The following DDX10 variants were observed in gnomAD, a reference collection of about 807,000 sequenced individuals.
DDX10 encodes the protein DEAD-box helicase 10, also known as probable ATP-dependent RNA helicase DDX10.
In DDX10, 74 loss-of-function variants were observed where a neutral mutation model predicts 104.3. That is an observed-to-expected ratio of 0.71 (90% CI 0.59 to 0.86). The LOEUF (loss-of-function observed/expected upper bound fraction) is 0.86. DDX10 is among the 40% of genes least tolerant of loss of function. The pLI, the probability that DDX10 is intolerant of heterozygous loss-of-function variation, is 0.00. For missense variants in DDX10, 952 were observed against 1,040.0 expected (o/e 0.92, Z 1.16); for synonymous variants, 351 against 353.4 (o/e 0.99, Z 0.08).
At chr11:108,807,268 T>G (rs1862114502) in intron 13 of DDX10, among the ~76,000 whole-genome samples, 1 of 152,100 alleles carries the variant, frequency 6.6e-6, no homozygotes. Context: ...AAAGGTTGGC[T>G]GGGGGCAAAC....
Position 108,689,058 on chromosome 11 carries a change from A to C in DDX10, c.971A>C (p.Lys324Thr). 1 of 1,614,038 alleles carries C rather than the reference A, an allele frequency of 6.2e-7. No homozygotes were observed. The highest frequency in any genetic ancestry group is 8.5e-7 in the Non-Finnish European group (1 of 1,179,944). The stretch of plus-strand genomic sequence containing the variant: ...AGCATTGTATTTTTTTCCAGTTGCA[A>C]AGAGGTATTGGCTGTTTATTTTGCT... ...KKSIVFFSSC[K>T]EVQYLYRVFC... The change falls in exon 7 of 18, where the codon AAA becomes ACA. Residue 324 changes from lysine (K) to threonine (T), a missense_variant. Transcript: ENST00000322536.
chr11:108,882,065 G>A (rs1004127623), intron 16 of DDX10, among the ~76,000 whole-genome samples: 2 of 152,016 alleles, frequency 1.3e-5, no homozygotes, highest in African/African-American at 4.8e-5. Context: ...ACTTCCTATT[G>A]GAGAAGTGAA....
At chr11:108,871,528 C>A (rs1863081972) in intron 16 of DDX10, among the ~76,000 whole-genome samples, 1 of 152,174 alleles carries the variant, frequency 6.6e-6, no homozygotes, top group African/African-American at 2.4e-5. Flanking sequence ...CTTTTCCTTC[C>A]ACTGCTCTAG....
chr11:108,854,105 T>A (rs1184291147), intron 16 of DDX10, among the ~76,000 whole-genome samples: 1 of 152,208 alleles, frequency 6.6e-6, no homozygotes, highest in Admixed American at 6.5e-5. Context: ...GAGGACTGCC[T>A]GCAGTGACAG....
chr11:108,844,277 A>C (rs181330919), intron 15 of DDX10, among the ~76,000 whole-genome samples: 10 of 152,354 alleles, frequency 6.6e-5, no homozygotes, highest in Non-Finnish European at 1.0e-4. Context: ...ACAAAGAAAC[A>C]AAGAAATAAT....
At chr11:108,719,395 C>G (rs2094295546) in intron 11 of DDX10, among the ~76,000 whole-genome samples, 1 of 151,964 alleles carries the variant, frequency 6.6e-6, no homozygotes, top group South Asian at 2.1e-4. Flanking sequence ...GTAATGTATC[C>G]CTTTTTTGAT....
chr11:108,820,938 A>C (rs1294489977), intron 13 of DDX10, among the ~76,000 whole-genome samples: 1 of 152,242 alleles, frequency 6.6e-6, no homozygotes, highest in East Asian at 1.9e-4. Context: ...AGTAGAATGC[A>C]TGTCAGAGTC....
At chr11:108,747,790 A>G (rs927084666) in intron 13 of DDX10, among the ~76,000 whole-genome samples, 1 of 152,172 alleles carries the variant, frequency 6.6e-6, no homozygotes, top group South Asian at 2.1e-4. Flanking sequence ...AACCACTACT[A>G]TTAATGACCT....
At chr11:108,895,511 A>G (rs1300991875) in intron 16 of DDX10, among the ~76,000 whole-genome samples, 4 of 152,042 alleles carry the variant, frequency 2.6e-5, no homozygotes, top group African/African-American at 7.2e-5. Flanking sequence ...AAGGACTTAT[A>G]TTTCTATATT....
chr11:108,736,724 A>G (rs975989926), intron 13 of DDX10, among the ~76,000 whole-genome samples: 3 of 152,104 alleles, frequency 2.0e-5, no homozygotes, highest in African/African-American at 7.2e-5. Flanking sequence ...CTGCCATGTG[A>G]GGATGCAGCA....
At chr11:108,807,225 T>G (rs550652922) in intron 13 of DDX10, among the ~76,000 whole-genome samples, 1 of 152,018 alleles carries the variant, frequency 6.6e-6, no homozygotes, top group African/African-American at 2.4e-5. Context: ...GAATTAAAGA[T>G]TTGTAGAGTT....
At chr11:108,787,945 T>C (rs907251312) in intron 13 of DDX10, among the ~76,000 whole-genome samples, 6 of 152,088 alleles carry the variant, frequency 3.9e-5, no homozygotes, top group South Asian at 2.1e-4. Flanking sequence ...AAAAATACTT[T>C]TGATTGTATT....
chr11:108,781,476 A>G (rs2094378026), intron 13 of DDX10, among the ~76,000 whole-genome samples: 1 of 152,146 alleles, frequency 6.6e-6, no homozygotes, highest in Non-Finnish European at 1.5e-5. Flanking sequence ...GTTTCATAAC[A>G]TAATTGTTTG....
intron 13 of DDX10, among the ~76,000 whole-genome samples, chr11:108,766,855 T>G (rs2094356948): frequency 6.6e-6 from 1 of 152,192 alleles, no homozygotes; most frequent in Admixed American, 6.5e-5. Context: ...GTAGAGTAAT[T>G]AACTGGCTAG....
intron 13 of DDX10, among the ~76,000 whole-genome samples, chr11:108,753,625 A>G (rs1286141759): frequency 1.3e-5 from 2 of 152,066 alleles, no homozygotes; most frequent in Non-Finnish European, 2.9e-5. Flanking sequence ...AAAATAGGAA[A>G]CTAAAGTAAG....
At chr11:108,933,630 A>G (rs1864001853) in intron 17 of DDX10, among the ~76,000 whole-genome samples, 3 of 152,228 alleles carry the variant, frequency 2.0e-5, no homozygotes, top group Non-Finnish European at 2.9e-5. Context: ...TTTTTACAAT[A>G]TAATTTCCCT....
At chr11:108,698,986 T>G (rs1419887485) in intron 9 of DDX10, among the ~76,000 whole-genome samples, 1 of 152,158 alleles carries the variant, frequency 6.6e-6, no homozygotes, top group Non-Finnish European at 1.5e-5. Context: ...CCCCAACCAC[T>G]CCTTTTAACC....
chr11:108,678,200 C>G, intron 4 of DDX10, 115 bp from the exon 5 acceptor site: 1 of 1,039,908 alleles, frequency 9.6e-7, no homozygotes, highest in Admixed American at 2.8e-5. Context: ...TGTTTATTTC[C>G]AAGAGTATCT....
chr11:108,768,771 T>A (rs757383773), intron 13 of DDX10, among the ~76,000 whole-genome samples: 3 of 152,204 alleles, frequency 2.0e-5, no homozygotes, highest in Non-Finnish European at 4.4e-5. Context: ...CAACATTAGT[T>A]GTTATCCTCT....
Sources: allele counts gnomAD v4.1 joint callset (sites outside exome capture counted in the v4.1 genomes callset), GRCh38; gene constraint gnomAD v4.1.1; transcripts MANE v1.5; gene names NCBI Gene and HGNC (gene_info 2026-07-23, HGNC 2026-07-21).